Variants in TBC1D8 observed in about 807,000 individuals in gnomAD.
TBC1D8 encodes BUB2-like protein 1.
A neutral mutation model predicts 118.8 loss-of-function variants in TBC1D8; 65 were observed. That is an observed-to-expected ratio of 0.55 (90% CI 0.45 to 0.67). The LOEUF (loss-of-function observed/expected upper bound fraction) is 0.67, where lower values mean the gene tolerates loss of function less well. TBC1D8 is among the 30% of genes least tolerant of loss of function. The probability of loss-of-function intolerance (pLI) is 0.00; values close to 1 mark genes in which losing one functional copy is unlikely to be tolerated. For synonymous variants in TBC1D8, 566 were observed against 595.8 expected, an observed-to-expected ratio of 0.95 and a Z score of 0.73; for missense variants, 1,376 against 1,471.2, an observed-to-expected ratio of 0.94 and a Z score of 1.06.
chr2:101,065,231 C>A (rs987517450), intron 2 of TBC1D8, among the ~76,000 whole-genome samples: 1 of 152,220 alleles, frequency 6.6e-6, no homozygotes, highest in African/African-American at 2.4e-5. Flanking sequence ...TCCTAATCAA[C>A]AATGAAATGG....
chr2:101,109,940 C>CGCCACCT, intron 1 of TBC1D8: 1 of 985,476 alleles, frequency 1.0e-6, no homozygotes, highest in Non-Finnish European at 1.2e-6. Flanking sequence ...GCTGCAGGGC[C>CGCCACCT]GCCACCTCGT....
intron 2 of TBC1D8, among the ~76,000 whole-genome samples, chr2:101,061,064 C>A (rs1339959014): frequency 6.6e-6 from 1 of 151,530 alleles, no homozygotes; most frequent in Non-Finnish European, 1.5e-5. Flanking sequence ...GGTGGGCCCC[C>A]CTAATCCCAG....
rs201021527 is a variant in TBC1D8 at position 101,033,521 on chromosome 2, G to T, written c.1818+23C>A. On this transcript the variant is annotated intron_variant, in intron 10 of 19. Transcript: ENST00000409318. ...GAGACACCAACTAAAGACTCTCTGC[G>T]CCCCAGAGCACACCCCTTTCACCTG... is the stretch of plus-strand genomic sequence containing the variant. 377 of 1,613,112 alleles carry T rather than the reference G, an allele frequency of 2.3e-4. 1 individual carries two copies. Among genetic ancestry groups the T allele is most frequent in the Admixed American group, 9.8e-4 (59 of 59,970 alleles).
intron 3 of TBC1D8, among the ~76,000 whole-genome samples, chr2:101,057,981 C>T (rs893383417): frequency 2.0e-5 from 3 of 152,180 alleles, no homozygotes; most frequent in African/African-American, 7.2e-5. Context: ...AGTTAATTTT[C>T]TTCCTCCAAA....
At position 101,007,773 on chromosome 2, in the gene TBC1D8, C is replaced by T. The variant is rs755559831; in HGVS notation, c.*48G>A. 2.4e-5 allele frequency: 38 copies of T among 1,564,946 alleles called. No individual in the cohort carries two copies. Among genetic ancestry groups the T allele is most frequent in the South Asian group, 9.4e-5 (8 of 85,220 alleles). On this transcript the variant is annotated 3_prime_UTR_variant, in exon 20 of 20. Coordinates refer to ENST00000409318, the MANE Select transcript of TBC1D8 (RefSeq NM_001330348.2). ...GCTGACCCCAAGAAACAGTCTGGTT[C>T]GTGCTTTGGTATGGTGGACTCCAGT... is the stretch of plus-strand genomic sequence containing the variant.
intron 18 of TBC1D8, 108 bp downstream of exon 18, chr2:101,011,343 G>A (rs944928524): frequency 5.6e-5 from 64 of 1,138,902 alleles, no homozygotes; most frequent in Admixed American, 3.5e-4. Flanking sequence ...TTCATTGGAC[G>A]AAGGGAAAAG....
At chr2:101,063,459 A>C (rs1682864502) in intron 2 of TBC1D8, among the ~76,000 whole-genome samples, 3 of 152,302 alleles carry the variant, frequency 2.0e-5, no homozygotes, top group Admixed American at 2.0e-4. Context: ...ATAAGACATA[A>C]TTGTATGCTT....
intron 1 of TBC1D8, among the ~76,000 whole-genome samples, chr2:101,137,087 C>T (rs1573103057): frequency 6.9e-6 from 1 of 144,626 alleles, no homozygotes; most frequent in Non-Finnish European, 1.5e-5. Flanking sequence ...GGCTGGAGTG[C>T]AATGGCGCGA....
At chr2:101,105,877 T>C (rs1456562907) in intron 1 of TBC1D8, among the ~76,000 whole-genome samples, 2 of 152,076 alleles carry the variant, frequency 1.3e-5, no homozygotes, top group African/African-American at 2.4e-5. Context: ...TTTACCCAAC[T>C]GACGTAAAAA....
chr2:101,059,596 A>G, intron 2 of TBC1D8, 57 bp from the exon 3 acceptor site: 1 of 1,400,140 alleles, frequency 7.1e-7, no homozygotes, highest in Non-Finnish European at 1.0e-6. Flanking sequence ...AGTAATTCCT[A>G]GAACGTTAAC....
chr2:101,047,048 G>C (rs1384750619), intron 5 of TBC1D8, among the ~76,000 whole-genome samples: 1 of 152,180 alleles, frequency 6.6e-6, no homozygotes, highest in Non-Finnish European at 1.5e-5. Context: ...TGAGATTTCA[G>C]GATGGTCTTT....
intron 1 of TBC1D8, among the ~76,000 whole-genome samples, chr2:101,121,339 C>T (rs764395479): frequency 2.6e-5 from 4 of 152,208 alleles, no homozygotes; most frequent in Non-Finnish European, 5.9e-5. Context: ...CTGCGACAAG[C>T]TCCACCCACT....
intron 4 of TBC1D8, among the ~76,000 whole-genome samples, chr2:101,053,348 G>A (rs1217860073): frequency 1.3e-5 from 2 of 152,166 alleles, no homozygotes; most frequent in South Asian, 4.1e-4. Flanking sequence ...CAAGGCTGGC[G>A]AGCTGGAAAA....
At chr2:101,094,318 T>C (rs2105461332) in intron 1 of TBC1D8, among the ~76,000 whole-genome samples, 1 of 152,124 alleles carries the variant, frequency 6.6e-6, no homozygotes, top group East Asian at 1.9e-4. Flanking sequence ...GGGAGCTCAG[T>C]GATTAGGAAC....
intron 10 of TBC1D8, chr2:101,033,242 G>C (rs929712730): frequency 7.4e-6 from 3 of 404,166 alleles, no homozygotes; most frequent in African/African-American, 2.1e-5. Context: ...TCAGCCTCCT[G>C]AGTAGCTGGG....
chr2:101,063,980 G>A (rs1005110776), intron 2 of TBC1D8, among the ~76,000 whole-genome samples: 2 of 152,094 alleles, frequency 1.3e-5, no homozygotes, highest in South Asian at 2.1e-4. Context: ...CATTGAAGAC[G>A]CAGGATGATA....
At position 101,050,475 on chromosome 2, in the gene TBC1D8, C is replaced by T. The variant is rs1055736314; in HGVS notation, c.798G>A (p.Thr266=). ...CCTCATTATCCAGCAGCCTTCGCAG[C>T]GTCACGTCGGCCAGCTGCTCCATGA... ...FKVMEQLADV[T]LRRLLDNEVF... Residue 266 remains threonine (T), a synonymous_variant, in exon 5 of 20, where the codon ACG becomes ACA. Transcript: ENST00000409318. 2.5e-6 allele frequency: 4 copies of T among 1,613,784 alleles called. No homozygotes were observed. Among genetic ancestry groups the T allele is most frequent in the African/African-American group, 2.7e-5 (2 of 74,926 alleles).
intron 1 of TBC1D8, among the ~76,000 whole-genome samples, chr2:101,141,972 T>C (rs1158179947): frequency 6.6e-6 from 1 of 152,188 alleles, no homozygotes; most frequent in East Asian, 1.9e-4. Context: ...TGAGAAATAG[T>C]ATCTTAGTGG....
chr2:101,009,043 G>A (rs533333424), intron 19 of TBC1D8, among the ~76,000 whole-genome samples: 4 of 152,278 alleles, frequency 2.6e-5, no homozygotes, highest in Admixed American at 1.3e-4. Flanking sequence ...AATACGTAAT[G>A]TGAGGACAGG....
Sources: gnomAD v4.1 joint callset for allele counts (sites outside exome capture counted in the v4.1 genomes callset) on GRCh38, gnomAD v4.1.1 for gene constraint, MANE v1.5 for transcripts, NCBI Gene and HGNC (gene_info 2026-07-23, HGNC 2026-07-21) for gene names.